NAV3: variants seen among roughly 807,000 people sequenced by gnomAD.
The protein encoded by NAV3 is neuron navigator 3.
Under a neutral mutation model 244.7 loss-of-function variants are expected in NAV3, and 87 were observed. The observed-to-expected ratio is 0.36, with a 90% confidence interval of 0.30 to 0.42. NAV3 has a LOEUF of 0.42. Ranked by LOEUF, NAV3 falls within the 20% of genes least tolerant of loss-of-function variation. The probability of loss-of-function intolerance (pLI) is 1.00; values close to 1 mark genes in which losing one functional copy is unlikely to be tolerated. For missense variants in NAV3, 2,663 were observed against 2,893.3 expected, an observed-to-expected ratio of 0.92 and a Z score of 1.83; for synonymous variants, 1,126 against 1,042.2, an observed-to-expected ratio of 1.08 and a Z score of -1.55.
At chr12:77,828,377 C>T (rs1378283275), upstream of NAV3, among the ~76,000 whole-genome samples, 1 of 152,050 alleles carries the variant, frequency 6.6e-6, no homozygotes, top group Admixed American at 6.6e-5. Context: ...TATAAATTAC[C>T]CAGTTTTAGA....
intron 5 of NAV3, among the ~76,000 whole-genome samples, chr12:77,976,208 G>A (rs1184112768): frequency 6.6e-6 from 1 of 152,172 alleles, no homozygotes; most frequent in African/African-American, 2.4e-5. Context: ...AAATATATAT[G>A]AGATATATCC....
chr12:78,141,304 C>A (rs897623799), intron 20 of NAV3, among the ~76,000 whole-genome samples: 55 of 152,134 alleles, frequency 3.6e-4, no homozygotes, highest in African/African-American at 1.3e-3. Flanking sequence ...AAATACAATT[C>A]TATCTTTTTT....
At chr12:77,706,870 CAAAAAA>C (rs34067727) in intron 2 of NAV3, among the ~76,000 whole-genome samples, 1 of 68,036 alleles carries the variant, frequency 1.5e-5, no homozygotes, top group East Asian at 5.0e-4. Context: ...GACTCTGTTT[CAAAAAA>C]AAAAAAAAAA....
intron 2 of NAV3, among the ~76,000 whole-genome samples, chr12:77,770,387 G>A (rs1870016520): frequency 1.3e-5 from 2 of 152,184 alleles, no homozygotes; most frequent in South Asian, 4.1e-4. Flanking sequence ...AGTAGCCTTG[G>A]AGATGGATGT....
chr12:78,023,479 T>C (rs1334924845), intron 9 of NAV3, among the ~76,000 whole-genome samples: 1 of 152,148 alleles, frequency 6.6e-6, no homozygotes, highest in Non-Finnish European at 1.5e-5. Context: ...AATCAATTAT[T>C]TACATAAAAT....
intron 12 of NAV3, among the ~76,000 whole-genome samples, chr12:78,087,361 G>A (rs1037146499): frequency 6.6e-6 from 1 of 151,932 alleles, no homozygotes; most frequent in South Asian, 2.1e-4. Context: ...GATTATGTTG[G>A]TATCCACATG....
rs1892728212 is a variant in NAV3, at chr12:77,968,717, T to C, written c.671+15T>C. 6.2e-7 allele frequency: 1 copy of C among 1,605,530 alleles called. No individual in the cohort carries two copies. Among genetic ancestry groups the C allele is most frequent in the Non-Finnish European group, 8.5e-7 (1 of 1,174,438 alleles). On this transcript the variant is annotated intron_variant, in intron 5 of 39. Transcript: ENST00000397909. Reference sequence around the variant, plus strand: ...ATGCAGTCCAGGTAAGGAAAGGAAGTAGGGAATGTGTTTCCAATTAGTTTG... The same window carrying C: ...ATGCAGTCCAGGTAAGGAAAGGAAGCAGGGAATGTGTTTCCAATTAGTTTG...
Position 78,122,114 on chromosome 12 carries a change from C to T in NAV3, c.3924C>T (p.Ser1308=), listed in dbSNP as rs2138688601. 6.2e-7 allele frequency: 1 copy of T among 1,614,166 alleles called. No individual in the cohort carries two copies. The highest frequency in any genetic ancestry group is 8.5e-7 in the Non-Finnish European group (1 of 1,180,030). Residue 1308 remains serine, a synonymous_variant, in exon 16 of 40, where the codon AGC becomes AGT. Transcript: ENST00000397909. ...GTGCTGGTGGGCTAAGCGGCAGCAG[C>T]AGCCCTCTCTTCAATAAACCCTCAG... is the stretch of plus-strand genomic sequence containing the variant. ...MGSAGGLSGS[S]SPLFNKPSDL... is the part of the protein sequence containing the mutation.
chr12:77,852,590 T>C (rs558080154), intron 1 of NAV3, among the ~76,000 whole-genome samples: 4 of 152,208 alleles, frequency 2.6e-5, no homozygotes, highest in African/African-American at 9.6e-5. Context: ...GTTATACTTA[T>C]GAAGAATAAC....
At chr12:77,750,538 G>A (rs1363017988) in intron 2 of NAV3, among the ~76,000 whole-genome samples, 1 of 150,774 alleles carries the variant, frequency 6.6e-6, no homozygotes, top group Non-Finnish European at 1.5e-5. Flanking sequence ...GTGAGACCCT[G>A]TCTCTAAAAA....
intron 2 of NAV3, chr12:77,783,399 T>A (rs1225122871): frequency 6.6e-6 from 1 of 151,984 alleles, no homozygotes; most frequent in Non-Finnish European, 1.5e-5. Flanking sequence ...GCTGGAAATA[T>A]GACCAAGCAG....
chr12:78,056,235 G>A (rs1271238515), intron 11 of NAV3: 1 of 152,174 alleles, frequency 6.6e-6, no homozygotes, highest in Non-Finnish European at 1.5e-5. Context: ...GCTGGTCTTA[G>A]CTCAAGGATG....
chr12:77,760,372 T>G (rs77148951), intron 2 of NAV3, among the ~76,000 whole-genome samples: 109 of 152,274 alleles, frequency 7.2e-4, no homozygotes, highest in African/African-American at 2.4e-3. Context: ...GCATGCAAGT[T>G]TGTTTTGGAG....
chr12:77,725,738 A>C (rs1375647029), intron 2 of NAV3, among the ~76,000 whole-genome samples: 1 of 151,930 alleles, frequency 6.6e-6, no homozygotes, highest in Non-Finnish European at 1.5e-5. Flanking sequence ...CGACCACAAA[A>C]ATGTTTATCT....
At chr12:78,149,021 C>T in intron 22 of NAV3, 102 bp downstream of exon 22, 1 of 926,150 alleles carries the variant, frequency 1.1e-6, no homozygotes, top group Non-Finnish European at 1.7e-6. Context: ...CTGATACAGA[C>T]TTAGATTACC....
chr12:78,082,553 T>C (rs1953413112), intron 12 of NAV3, among the ~76,000 whole-genome samples: 1 of 152,152 alleles, frequency 6.6e-6, no homozygotes, highest in African/African-American at 2.4e-5. Flanking sequence ...TGTTAGTCTA[T>C]TGTTAAACAA....
At chr12:77,594,562 A>C (rs1870082032) in intron 2 of NAV3, among the ~76,000 whole-genome samples, 1 of 152,230 alleles carries the variant, frequency 6.6e-6, no homozygotes, top group Admixed American at 6.5e-5. Context: ...TAGGGCATTA[A>C]CATGCCAGAT....
chr12:78,033,452 T>A (rs1879322222), intron 9 of NAV3, among the ~76,000 whole-genome samples: 1 of 152,138 alleles, frequency 6.6e-6, no homozygotes, highest in Non-Finnish European at 1.5e-5. Context: ...TGTATTTGTC[T>A]CCTTTGCACT....
intron 20 of NAV3, chr12:78,144,896 G>T (rs1956789318): frequency 1.8e-5 from 2 of 111,116 alleles, no homozygotes; most frequent in Non-Finnish European, 1.5e-5. Flanking sequence ...CTGAGTGATA[G>T]ATCAAGATCC....
Sources: allele counts gnomAD v4.1 joint callset (sites outside exome capture counted in the v4.1 genomes callset), GRCh38; gene constraint gnomAD v4.1.1; transcripts MANE v1.5; gene names NCBI Gene and HGNC (gene_info 2026-07-23, HGNC 2026-07-21).